The following LPXN variants were observed in gnomAD, a reference collection of about 807,000 sequenced individuals.
The protein encoded by LPXN is leupaxin.
In LPXN, 28 loss-of-function variants were observed where a neutral mutation model predicts 45.6. That is an observed-to-expected ratio of 0.61 (90% CI 0.45 to 0.84). LPXN has a LOEUF of 0.84. Among genes scored for constraint, LPXN ranks in the 40% least tolerant of loss-of-function variants. The pLI is 0.00. For missense variants in LPXN, 459 were observed against 475.0 expected (o/e 0.97, Z 0.31); for synonymous variants, 166 against 169.9 (o/e 0.98, Z 0.18).
chr11:58,578,610 C>A (rs936491619), upstream of LPXN, among the ~76,000 whole-genome samples: 1 of 152,168 alleles, frequency 6.6e-6, no homozygotes, highest in African/African-American at 2.4e-5. Flanking sequence ...ACAGAAAGGC[C>A]AAAGACAGGA....
At chr11:58,545,487 G>C (rs1853851017) in intron 7 of LPXN, among the ~76,000 whole-genome samples, 1 of 152,142 alleles carries the variant, frequency 6.6e-6, no homozygotes, top group Non-Finnish European at 1.5e-5. Flanking sequence ...CACAATTTAA[G>C]ATGATTTGGA....
chr11:58,561,395 C>G (rs1055410453), intron 3 of LPXN, among the ~76,000 whole-genome samples: 3 of 152,100 alleles, frequency 2.0e-5, no homozygotes, highest in Admixed American at 2.0e-4. Flanking sequence ...ATGGATATCT[C>G]TTAAGATAAA....
At chr11:58,570,423 A>G (rs910891660) in intron 2 of LPXN, 133 bp downstream of exon 2, 3 of 576,694 alleles carry the variant, frequency 5.2e-6, no homozygotes, top group African/African-American at 1.9e-5. Flanking sequence ...CTTTAGATTA[A>G]CATTGAGGCA....
chr11:58,536,969 T>C (rs1325312117), intron 7 of LPXN, among the ~76,000 whole-genome samples: 1 of 151,996 alleles, frequency 6.6e-6, no homozygotes, highest in Non-Finnish European at 1.5e-5. Flanking sequence ...AGATACCATC[T>C]CACGCCAGTT....
At position 58,531,587 on chromosome 11, in the gene LPXN, G is replaced by A. The variant is rs540616902; in HGVS notation, c.743-3396C>T. Among the ~76,000 whole-genome samples the A allele has an allele frequency of 4.9e-4, 75 of 152,272 alleles. No homozygotes were observed. The South Asian group carries it at 5.2e-3, about 11-fold the overall frequency. ...AAAAACAAATCTACGTTTGACTGGT[G>A]TACCTGAAAGTTATGGGGAGAATGG... On this transcript the variant is annotated intron_variant, in intron 7 of 8. Coordinates refer to ENST00000395074, the MANE Select transcript of LPXN (RefSeq NM_004811.3).
At chr11:58,575,940 C>CTTTT, upstream of LPXN, 4 of 1,194,928 alleles carry the variant, frequency 3.3e-6, no homozygotes, top group South Asian at 5.6e-5. Flanking sequence ...ATTTGGTGAG[C>CTTTT]TTTTTTTTTT....
At chr11:58,550,990 AG>A in intron 5 of LPXN, 74 bp downstream of exon 5, 1 of 1,343,544 alleles carries the variant, frequency 7.4e-7, no homozygotes, top group East Asian at 2.6e-5. Context: ...TTAAAATATA[AG>A]GGGAAAGAGC....
intron 3 of LPXN, among the ~76,000 whole-genome samples, chr11:58,555,181 C>T (rs896970324): frequency 6.6e-6 from 1 of 152,136 alleles, no homozygotes; most frequent in Non-Finnish European, 1.5e-5. Context: ...ATTATATCTC[C>T]TGTCAGTTTT....
chr11:58,527,122 A>C lies in LPXN; in HGVS notation c.*332T>G. On this transcript the variant is annotated 3_prime_UTR_variant, in exon 9 of 9. Transcript: ENST00000395074. ...GGGCCATCACTAGAGGTGAAAATGGAGAAACCTAAGAAAACCAGTGTTGGC... is the reference window on the plus strand; with the variant it reads ...GGGCCATCACTAGAGGTGAAAATGGCGAAACCTAAGAAAACCAGTGTTGGC... 4.3e-6 allele frequency: 1 copy of C among 230,554 alleles called. No homozygotes were observed. Among genetic ancestry groups the C allele is most frequent in the Non-Finnish European group, 8.7e-6 (1 of 114,552 alleles). The allele number at this position is 230,554 out of a possible 1,614,324, so 14.3% of individuals were successfully genotyped here.
intron 7 of LPXN, among the ~76,000 whole-genome samples, chr11:58,539,002 A>AAC (rs1555003629): frequency 1.1e-4 from 17 of 151,948 alleles, no homozygotes; most frequent in Middle Eastern, 3.4e-3. Flanking sequence ...TCTTTAAAAA[A>AAC]AACAACAACA....
At chr11:58,571,618 T>C (rs1339494485) in intron 1 of LPXN, among the ~76,000 whole-genome samples, 1 of 151,256 alleles carries the variant, frequency 6.6e-6, no homozygotes, top group African/African-American at 2.4e-5. Context: ...AAGTAAGATG[T>C]TGCAATTTAA....
chr11:58,554,946 G>C lies in LPXN; in HGVS notation c.219-6C>G. ...CCTTTGGCTCTTGGGCTTCACTATA[G>C]AGGGAAAACAAAAAAGTCATATGAA... is the stretch of plus-strand genomic sequence containing the variant. On this transcript the variant is annotated splice_polypyrimidine_tract_variant and splice_region_variant and intron_variant, in intron 3 of 8. Coordinates refer to ENST00000395074, the MANE Select transcript of LPXN (RefSeq NM_004811.3). The C allele has an allele frequency of 6.3e-7, 1 of 1,594,800 alleles. No homozygotes were observed. The highest frequency in any genetic ancestry group is 8.6e-7 in the Non-Finnish European group (1 of 1,162,824).
intron 7 of LPXN, among the ~76,000 whole-genome samples, chr11:58,536,916 A>C (rs937918715): frequency 6.6e-6 from 1 of 152,216 alleles, no homozygotes; most frequent in Non-Finnish European, 1.5e-5. Flanking sequence ...AAAAAAGCTC[A>C]TCATCACTGG....
intron 7 of LPXN, among the ~76,000 whole-genome samples, chr11:58,546,956 T>A: frequency 6.6e-6 from 1 of 151,622 alleles, no homozygotes; most frequent in East Asian, 1.9e-4. Flanking sequence ...GTGCTATGAG[T>A]GCCCCATCAC....
At chr11:58,536,299 T>C (rs1256749238) in intron 7 of LPXN, among the ~76,000 whole-genome samples, 2 of 152,188 alleles carry the variant, frequency 1.3e-5, no homozygotes, top group Admixed American at 6.5e-5. Context: ...ATGGTACTGG[T>C]ACCAAAACAG....
rs751714765 is a variant in LPXN at position 58,570,698 on chromosome 11, T to C, written c.29A>G (p.Glu10Gly). ...GTCCTGAAGGGTGGAGCGTTCCAGT[T>C]CCTCCAATAAGGCATCTACACCATA... The part of the protein sequence containing the change: MEELDALLE[E>G]LERSTLQDSD... The change falls in exon 2 of 9, where the codon GAA becomes GGA. Residue 10 changes from glutamate (E) to glycine (G), a missense_variant. Transcript: ENST00000395074. 6.2e-7 allele frequency: 1 copy of C among 1,610,470 alleles called. No individual in the cohort carries two copies. The highest frequency in any genetic ancestry group is 1.7e-4 in the Middle Eastern group (1 of 6,032).
chr11:58,559,308 T>C (rs1854302196), intron 3 of LPXN, among the ~76,000 whole-genome samples: 1 of 152,076 alleles, frequency 6.6e-6, no homozygotes, highest in African/African-American at 2.4e-5. Flanking sequence ...TTCAGACACA[T>C]ATACCACTTG....
intron 7 of LPXN, among the ~76,000 whole-genome samples, chr11:58,535,443 G>T (rs1853521171): frequency 1.3e-5 from 2 of 152,148 alleles, no homozygotes; most frequent in Non-Finnish European, 2.9e-5. Context: ...AATAGATACA[G>T]AAAAGGCCTT....
At chr11:58,553,205 A>G (rs1854100761) in intron 4 of LPXN, among the ~76,000 whole-genome samples, 2 of 151,982 alleles carry the variant, frequency 1.3e-5, no homozygotes, top group African/African-American at 4.8e-5. Flanking sequence ...GCATGGTGGC[A>G]CACGCCTGTA....
Sources: gnomAD v4.1 joint callset for allele counts (sites outside exome capture counted in the v4.1 genomes callset) on GRCh38, gnomAD v4.1.1 for gene constraint, MANE v1.5 for transcripts, NCBI Gene and HGNC (gene_info 2026-07-23, HGNC 2026-07-21) for gene names.